LINGO1: variants seen among roughly 807,000 people sequenced by gnomAD.
LINGO1 encodes the protein leucine-rich repeat and immunoglobulin-like domain-containing nogo receptor-interacting protein 1.
LINGO1 carries 11 observed loss-of-function variants against 37.3 expected under a neutral mutation model. The observed-to-expected ratio is 0.29, with a 90% CI of 0.19 to 0.49. The LOEUF (loss-of-function observed/expected upper bound fraction) is 0.49, where lower values mean the gene tolerates loss of function less well. LINGO1 is among the 20% of genes least tolerant of loss of function. The pLI is 0.99. For synonymous variants in LINGO1, 387 were observed against 403.0 expected, an observed-to-expected ratio of 0.96 and a Z score of 0.48; for missense variants, 585 against 878.2, an observed-to-expected ratio of 0.67 and a Z score of 4.22.
At chr15:77,796,651 C>G (rs916798943) in intron 1 of LINGO1, among the ~76,000 whole-genome samples, 1 of 151,788 alleles carries the variant, frequency 6.6e-6, no homozygotes, top group Non-Finnish European at 1.5e-5. Context: ...CTCCCTTGGG[C>G]CTGAGCCTCA....
chr15:77,754,079 G>A (rs1445796543), intron 1 of LINGO1, among the ~76,000 whole-genome samples: 11 of 151,956 alleles, frequency 7.2e-5, no homozygotes, highest in Non-Finnish European at 1.6e-4. Context: ...GAGAGAGTGG[G>A]AGCAGGGATG....
intron 1 of LINGO1, among the ~76,000 whole-genome samples, chr15:77,804,517 G>A (rs2076944159): frequency 6.6e-6 from 1 of 152,210 alleles, no homozygotes; most frequent in Non-Finnish European, 1.5e-5. Flanking sequence ...GCAGAGGTCA[G>A]AGTGAGTGAG....
chr15:77,678,579 T>C (rs1192560887), intron 2 of LINGO1, among the ~76,000 whole-genome samples: 1 of 152,250 alleles, frequency 6.6e-6, no homozygotes, highest in Non-Finnish European at 1.5e-5. Flanking sequence ...AGGGCATTTG[T>C]GTTGTTTCCA....
At chr15:77,755,478 C>T (rs768472144) in intron 1 of LINGO1, among the ~76,000 whole-genome samples, 9 of 152,214 alleles carry the variant, frequency 5.9e-5, no homozygotes, top group Non-Finnish European at 1.2e-4. Flanking sequence ...TGTGCTGTCA[C>T]GCTGAGCAGG....
At chr15:77,752,097 G>A (rs1462595774) in intron 1 of LINGO1, among the ~76,000 whole-genome samples, 3 of 152,194 alleles carry the variant, frequency 2.0e-5, no homozygotes, top group African/African-American at 7.2e-5. Context: ...GTCATCCCAA[G>A]GCCTTTCGTT....
Position 77,615,240 on chromosome 15 carries a change from G to A in LINGO1, c.667C>T (p.Arg223Trp), listed in dbSNP as rs760509614. 2.2e-5 allele frequency: 36 copies of A among 1,613,690 alleles called. No individual in the cohort carries two copies. Among genetic ancestry groups the A allele is most frequent in the Admixed American group, 1.7e-4 (10 of 60,012 alleles). ...HLHGLIVLRL[R>W]HLNINAIRDY... ...CGGATGGCATTGATGTTGAGGTGCC[G>A]GAGCCTCAGGACGATGAGGCCGTGC... The change falls in exon 2 of 2, where the codon CGG (arginine) becomes TGG (tryptophan). Residue 223 changes from arginine to tryptophan, a missense_variant. Transcript: ENST00000355300.
chr15:77,649,364 T>C (rs1423335511), intron 3 of LINGO1: 2 of 152,250 alleles, frequency 1.3e-5, no homozygotes, highest in East Asian at 1.9e-4. Context: ...GTCTGGCTGA[T>C]GGAGACGCAC....
At chr15:77,674,784 G>A (rs1451743802) in intron 3 of LINGO1, among the ~76,000 whole-genome samples, 2 of 150,752 alleles carry the variant, frequency 1.3e-5, no homozygotes, top group African/African-American at 2.4e-5. Context: ...ATTTTTTTTC[G>A]CCTTAGCACT....
intron 1 of LINGO1, among the ~76,000 whole-genome samples, chr15:77,776,592 C>A (rs1299044740): frequency 7.0e-6 from 1 of 142,246 alleles, no homozygotes. Context: ...ACTTTGGGGC[C>A]GCAATATAAC....
chr15:77,753,357 G>T (rs2076389413), intron 1 of LINGO1, among the ~76,000 whole-genome samples: 1 of 152,224 alleles, frequency 6.6e-6, no homozygotes, highest in Non-Finnish European at 1.5e-5. Context: ...TGGCTTTGGT[G>T]TCTGGCTGTG....
intron 1 of LINGO1, among the ~76,000 whole-genome samples, chr15:77,778,424 C>G (rs2076682739): frequency 1.3e-5 from 2 of 152,198 alleles, no homozygotes; most frequent in African/African-American, 4.8e-5. Flanking sequence ...GTTTTGCCTG[C>G]CACAGATACC....
At chr15:77,731,406 A>G (rs1328428586) in intron 2 of LINGO1, among the ~76,000 whole-genome samples, 1 of 152,122 alleles carries the variant, frequency 6.6e-6, no homozygotes. Flanking sequence ...GCCTGGCACT[A>G]GAGCCTGCCC....
chr15:77,681,585 C>A (rs1404410048), intron 2 of LINGO1, among the ~76,000 whole-genome samples: 1 of 152,220 alleles, frequency 6.6e-6, no homozygotes, highest in Non-Finnish European at 1.5e-5. Context: ...TCCCTGAATG[C>A]AACATGAATC....
chr15:77,762,672 C>G (rs1307632448), intron 1 of LINGO1, among the ~76,000 whole-genome samples: 1 of 152,196 alleles, frequency 6.6e-6, no homozygotes, highest in African/African-American at 2.4e-5. Context: ...TCCACCCAAA[C>G]TCTCAGCCTC....
intron 3 of LINGO1, among the ~76,000 whole-genome samples, chr15:77,671,136 T>C (rs1027310388): frequency 2.7e-5 from 4 of 147,880 alleles, no homozygotes; most frequent in African/African-American, 1.0e-4. Flanking sequence ...TGCAGGTGAG[T>C]ACAAGGGAAC....
chr15:77,810,634 T>G (rs891527279), intron 1 of LINGO1, among the ~76,000 whole-genome samples: 2 of 152,204 alleles, frequency 1.3e-5, no homozygotes, highest in Non-Finnish European at 2.9e-5. Context: ...GGCCACTCCC[T>G]GTGCCTCAGT....
chr15:77,738,115 C>T (rs1227666694), intron 1 of LINGO1, among the ~76,000 whole-genome samples: 1 of 152,176 alleles, frequency 6.6e-6, no homozygotes, highest in Admixed American at 6.5e-5. Flanking sequence ...TCAGCAAACC[C>T]TATCAGGTCT....
chr15:77,689,628 T>G (rs1159667625), intron 2 of LINGO1, among the ~76,000 whole-genome samples: 1 of 152,136 alleles, frequency 6.6e-6, no homozygotes, highest in Non-Finnish European at 1.5e-5. Flanking sequence ...ATTCTGTGTG[T>G]GAATTATGTT....
chr15:77,694,396 C>A (rs977411063), intron 1 of LINGO1, among the ~76,000 whole-genome samples: 1 of 152,134 alleles, frequency 6.6e-6, no homozygotes, highest in Admixed American at 6.5e-5. Flanking sequence ...GCACATCAGC[C>A]TCAGATTCTC....
Sources: allele counts gnomAD v4.1 joint callset (sites outside exome capture counted in the v4.1 genomes callset), GRCh38; gene constraint gnomAD v4.1.1; transcripts MANE v1.5; gene names NCBI Gene and HGNC (gene_info 2026-07-23, HGNC 2026-07-21).